PTPRM: variants seen among roughly 807,000 people sequenced by gnomAD.
PTPRM encodes the protein protein tyrosine phosphatase receptor type M.
Under a neutral mutation model 186.7 loss-of-function variants are expected in PTPRM, and 47 were observed. The observed-to-expected ratio is 0.25, with a 90% confidence interval of 0.20 to 0.32. PTPRM has a LOEUF of 0.32. Ranked by LOEUF, PTPRM falls within the 10% of genes least tolerant of loss-of-function variation. PTPRM has a pLI of 1.00. For synonymous variants in PTPRM, 668 were observed against 674.9 expected (o/e 0.99, Z 0.16); for missense variants, 1,494 against 1,865.0 (o/e 0.80, Z 3.66).
intron 1 of PTPRM, among the ~76,000 whole-genome samples, chr18:7,724,257 T>G (rs1235566954): frequency 6.6e-6 from 1 of 152,206 alleles, no homozygotes; most frequent in East Asian, 1.9e-4. Flanking sequence ...TAAAGCTTCT[T>G]TCTTCTTATG....
rs2040127162 is a variant in PTPRM at position 7,707,758 on chromosome 18, A to G, written c.74-66391A>G. 4.6e-5 allele frequency among the ~76,000 whole-genome samples: 7 copies of G among 152,166 alleles called. No individual in the cohort carries two copies. In the South Asian group the frequency reaches 1.2e-3, roughly 27 times the overall value. Reference sequence around the variant, plus strand: ...GCAGATAGAGTGGGATTAATACTTGATGGGGAAGCCCCAAACTAGTTCTGG... The same window carrying G: ...GCAGATAGAGTGGGATTAATACTTGGTGGGGAAGCCCCAAACTAGTTCTGG... On this transcript the variant is annotated intron_variant, in intron 1 of 32. Transcript: ENST00000580170.
At chr18:7,777,724 A>G (rs1292665290) in intron 2 of PTPRM, among the ~76,000 whole-genome samples, 2 of 152,250 alleles carry the variant, frequency 1.3e-5, no homozygotes, top group East Asian at 3.8e-4. Flanking sequence ...TAAGAAAAAG[A>G]AAAAACATGA....
chr18:8,067,016 T>A (rs924339064), intron 7 of PTPRM, among the ~76,000 whole-genome samples: 2 of 152,234 alleles, frequency 1.3e-5, no homozygotes, highest in Non-Finnish European at 2.9e-5. Context: ...TTTTCTTGGA[T>A]AAGGAATACT....
chr18:7,642,152 C>A (rs1750122154), intron 1 of PTPRM, among the ~76,000 whole-genome samples: 1 of 152,174 alleles, frequency 6.6e-6, no homozygotes, highest in African/African-American at 2.4e-5. Context: ...TTGAATATTT[C>A]TGAGAAAAAT....
intron 2 of PTPRM, among the ~76,000 whole-genome samples, chr18:7,819,408 A>AAGATAGAAGCGGCTG (rs1568175648): frequency 6.6e-6 from 1 of 152,186 alleles, no homozygotes; most frequent in Non-Finnish European, 1.5e-5. Context: ...CTGGCAGAAG[A>AAGATAGAAGCGGCTG]GCACACCGAC....
intron 7 of PTPRM, among the ~76,000 whole-genome samples, chr18:8,055,032 TTC>T (rs1324317559): frequency 6.6e-6 from 1 of 152,196 alleles, no homozygotes; most frequent in Non-Finnish European, 1.5e-5. Context: ...GATGTGCTTT[TTC>T]TCTCTAGATG....
At chr18:7,783,942 TCA>T (rs887938925) in intron 2 of PTPRM, among the ~76,000 whole-genome samples, 9 of 151,490 alleles carry the variant, frequency 5.9e-5, no homozygotes, top group Middle Eastern at 3.2e-3. Flanking sequence ...ATCCATGGAG[TCA>T]CAGGGGTTTG....
chr18:8,155,228 G>A (rs2093096206), intron 14 of PTPRM, among the ~76,000 whole-genome samples: 1 of 152,006 alleles, frequency 6.6e-6, no homozygotes, highest in South Asian at 2.1e-4. Flanking sequence ...TAACATGTTT[G>A]ACAGAACTTA....
chr18:7,942,886 C>T (rs932785075), intron 5 of PTPRM, among the ~76,000 whole-genome samples: 4 of 152,046 alleles, frequency 2.6e-5, no homozygotes, highest in African/African-American at 9.7e-5. Flanking sequence ...CTGCCTTACG[C>T]GTGTCTTCTT....
chr18:8,315,659 A>G (rs2095304236), intron 21 of PTPRM, among the ~76,000 whole-genome samples: 1 of 152,184 alleles, frequency 6.6e-6, no homozygotes, highest in Admixed American at 6.5e-5. Context: ...TGCTTAGTCT[A>G]TCAGTACTTC....
chr18:7,882,374 T>C (rs1340034190), intron 2 of PTPRM, among the ~76,000 whole-genome samples: 1 of 152,186 alleles, frequency 6.6e-6, no homozygotes, highest in East Asian at 1.9e-4. Flanking sequence ...AGTGCTGCTC[T>C]AGTGAACTGA....
At chr18:7,949,101 A>G (rs1263227895) in intron 5 of PTPRM, 80 bp from the exon 6 acceptor site, 19 of 1,344,450 alleles carry the variant, frequency 1.4e-5, no homozygotes, top group Admixed American at 4.0e-5. Context: ...AGCATGGATA[A>G]TATACCATTG....
intron 2 of PTPRM, among the ~76,000 whole-genome samples, chr18:7,790,610 G>C (rs1208900969): frequency 1.3e-5 from 2 of 152,074 alleles, no homozygotes; most frequent in Non-Finnish European, 2.9e-5. Context: ...TCTATTTTAC[G>C]AGTATTAAAG....
At chr18:8,330,655 ATT>A (rs374567697) in intron 22 of PTPRM, among the ~76,000 whole-genome samples, 2,165 of 139,318 alleles carry the variant, frequency 0.016, 19 homozygotes, top group Middle Eastern at 0.034. Context: ...GCTGCCGTTC[ATT>A]TTTTTTTTTT....
At chr18:8,127,734 A>T (rs1044523017) in intron 13 of PTPRM, among the ~76,000 whole-genome samples, 4 of 152,124 alleles carry the variant, frequency 2.6e-5, no homozygotes, top group African/African-American at 9.7e-5. Context: ...CTCTACTACT[A>T]GAGAAGCTAT....
chr18:8,024,601 T>C (rs1600128608), intron 7 of PTPRM, among the ~76,000 whole-genome samples: 2 of 151,940 alleles, frequency 1.3e-5, no homozygotes, highest in African/African-American at 2.4e-5. Flanking sequence ...GAGCCTTAAA[T>C]TGTCCATGTT....
chr18:7,810,096 A>G (rs967685355), intron 2 of PTPRM, among the ~76,000 whole-genome samples: 1 of 152,074 alleles, frequency 6.6e-6, no homozygotes, highest in Admixed American at 6.5e-5. Flanking sequence ...AGCCAGCTGG[A>G]ATCAGAAATA....
chr18:7,578,546 A>G (rs570127376), intron 1 of PTPRM, among the ~76,000 whole-genome samples: 1 of 152,080 alleles, frequency 6.6e-6, no homozygotes, highest in African/African-American at 2.4e-5. Flanking sequence ...TGTGTTAGCC[A>G]GGATGGTCTC....
chr18:8,369,830 G>C (rs993653155), intron 23 of PTPRM, among the ~76,000 whole-genome samples: 1 of 152,120 alleles, frequency 6.6e-6, no homozygotes, highest in African/African-American at 2.4e-5. Context: ...TGTGCTTGTA[G>C]TCCTAGTTAC....
Sources: gnomAD v4.1 joint callset for allele counts (sites outside exome capture counted in the v4.1 genomes callset) on GRCh38, gnomAD v4.1.1 for gene constraint, MANE v1.5 for transcripts, NCBI Gene and HGNC (gene_info 2026-07-23, HGNC 2026-07-21) for gene names.